The following XKR4 variants were observed in gnomAD, a reference collection of about 807,000 sequenced individuals.
XKR4 encodes XK-related protein 4.
A neutral mutation model predicts 53.9 loss-of-function variants in XKR4; 12 were observed. The ratio of observed to expected loss-of-function variants is 0.22; its 90% confidence interval spans 0.14 to 0.36. The LOEUF is 0.36. Among genes scored for constraint, XKR4 ranks in the 10% least tolerant of loss-of-function variants. The pLI is 1.00. For missense variants in XKR4, 799 were observed against 859.5 expected (o/e 0.93, Z 0.88); for synonymous variants, 354 against 362.4 (o/e 0.98, Z 0.26).
At chr8:55,479,954 C>A (rs1212020596) in intron 2 of XKR4, among the ~76,000 whole-genome samples, 1 of 152,162 alleles carries the variant, frequency 6.6e-6, no homozygotes, top group African/African-American at 2.4e-5. Context: ...GGATTCACTG[C>A]CGAATTTTAC....
chr8:55,228,842 TACACACAC>T (rs71256522), intron 1 of XKR4, among the ~76,000 whole-genome samples: 10 of 150,080 alleles, frequency 6.7e-5, no homozygotes, highest in Admixed American at 2.7e-4. Context: ...TGTGTGTATG[TACACACAC>T]ACACACACAC....
chr8:55,387,054 C>T (rs7350146), intron 2 of XKR4, among the ~76,000 whole-genome samples: 1 of 152,306 alleles, frequency 6.6e-6, no homozygotes, highest in Non-Finnish European at 1.5e-5. Context: ...GTCTCTTTCC[C>T]TGATCTCCCC....
chr8:55,180,121 T>G (rs16921330), intron 1 of XKR4, among the ~76,000 whole-genome samples: 14,515 of 152,222 alleles, frequency 0.095, 1,909 homozygotes, highest in African/African-American at 0.29. Flanking sequence ...TGGTTCAAAT[T>G]AACTAAATCA....
chr8:55,310,532 T>C (rs1234293149), intron 1 of XKR4, among the ~76,000 whole-genome samples: 2 of 152,230 alleles, frequency 1.3e-5, no homozygotes, highest in Non-Finnish European at 2.9e-5. Flanking sequence ...CAAATTATTC[T>C]TTTCAAAGTA....
chr8:55,328,969 A>G (rs1803337876), intron 1 of XKR4, among the ~76,000 whole-genome samples: 1 of 152,128 alleles, frequency 6.6e-6, no homozygotes, highest in East Asian at 1.9e-4. Context: ...ACTACCTCGC[A>G]GACACCCTGG....
At chr8:55,148,662 A>C (rs1336837237) in intron 1 of XKR4, among the ~76,000 whole-genome samples, 2 of 152,184 alleles carry the variant, frequency 1.3e-5, no homozygotes, top group South Asian at 2.1e-4. Context: ...TAATTACTTT[A>C]GGATTATAAT....
At chr8:55,244,104 G>C (rs1312807665) in intron 1 of XKR4, among the ~76,000 whole-genome samples, 1 of 152,156 alleles carries the variant, frequency 6.6e-6, no homozygotes, top group Admixed American at 6.5e-5. Context: ...AACATGTGCA[G>C]GTATGTTATA....
chr8:55,470,876 T>G (rs538728463), intron 2 of XKR4, among the ~76,000 whole-genome samples: 4 of 152,136 alleles, frequency 2.6e-5, no homozygotes, highest in Non-Finnish European at 5.9e-5. Flanking sequence ...TATTAAATAT[T>G]TCAGCCAAGA....
intron 1 of XKR4, among the ~76,000 whole-genome samples, chr8:55,323,752 T>G (rs372114775): frequency 7.9e-5 from 12 of 152,238 alleles, no homozygotes; most frequent in East Asian, 3.9e-4. Flanking sequence ...TTGTTCTATG[T>G]GTCCTTAATG....
intron 2 of XKR4, among the ~76,000 whole-genome samples, chr8:55,507,506 C>T (rs988961704): frequency 2.0e-5 from 3 of 152,154 alleles, no homozygotes; most frequent in Admixed American, 6.5e-5. Flanking sequence ...AACCCCTCCC[C>T]GCACCCTACA....
At chr8:55,271,026 C>T (rs1172916610) in intron 1 of XKR4, among the ~76,000 whole-genome samples, 1 of 152,146 alleles carries the variant, frequency 6.6e-6, no homozygotes, top group Admixed American at 6.5e-5. Context: ...TGCTTGTGCT[C>T]AAGAAGAACG....
intron 1 of XKR4, among the ~76,000 whole-genome samples, chr8:55,328,369 A>G (rs1230728072): frequency 6.6e-6 from 1 of 152,208 alleles, no homozygotes; most frequent in South Asian, 2.1e-4. Flanking sequence ...AAAACATAAC[A>G]TCAGTGTCCC....
chr8:55,478,676 A>G (rs1248847800), intron 2 of XKR4, among the ~76,000 whole-genome samples: 1 of 152,188 alleles, frequency 6.6e-6, no homozygotes, highest in African/African-American at 2.4e-5. Context: ...AGAGACACAC[A>G]TAGGCTCAAA....
rs533168299 is a variant in XKR4 at position 55,275,123 on chromosome 8, G to A, written c.807-82555G>A. Among the ~76,000 whole-genome samples the A allele has an allele frequency of 1.4e-4, 21 of 151,902 alleles. 2 individuals are homozygous for A. In the South Asian group the frequency reaches 3.5e-3, roughly 26 times the overall value. ...TACAAAATATTTAGAAAGTAGATAC[G>A]GTATTTTTGTTCTAAAGAAAATATT... On this transcript the variant is annotated intron_variant, in intron 1 of 2. Transcript: ENST00000327381.
At chr8:55,457,146 CT>C (rs1554527639) in intron 2 of XKR4, among the ~76,000 whole-genome samples, 106 of 137,210 alleles carry the variant, frequency 7.7e-4, no homozygotes, top group Admixed American at 2.3e-3. Context: ...TTTTCCTTTT[CT>C]TTTTTTTTTT....
At chr8:55,159,209 T>C (rs547569735) in intron 1 of XKR4, among the ~76,000 whole-genome samples, 1 of 152,286 alleles carries the variant, frequency 6.6e-6, no homozygotes, top group African/African-American at 2.4e-5. Context: ...ACCACCCTGG[T>C]TAGCTATATT....
intron 1 of XKR4, among the ~76,000 whole-genome samples, chr8:55,202,969 T>C (rs560976591): frequency 6.6e-6 from 1 of 152,306 alleles, no homozygotes; most frequent in South Asian, 2.1e-4. Flanking sequence ...TTGGTTACAC[T>C]TCACTGAACG....
chr8:55,415,478 C>T (rs998647161), intron 2 of XKR4, among the ~76,000 whole-genome samples: 3 of 152,182 alleles, frequency 2.0e-5, no homozygotes, highest in African/African-American at 4.8e-5. Flanking sequence ...TAGACCTCAC[C>T]TCACATTCAG....
At position 55,289,561 on chromosome 8, in the gene XKR4, G is replaced by A. The variant is rs1326408878; in HGVS notation, c.807-68117G>A. On this transcript the variant is annotated intron_variant, in intron 1 of 2. Transcript: ENST00000327381. ...AGAAAGAAGGAAGGAAGGAAGGAAG[G>A]AAGGAAGGAGAGAGAAAGGAAGAAA... 5.0e-4 allele frequency among the ~76,000 whole-genome samples: 55 copies of A among 109,416 alleles called. 1 individual carries two copies. The highest frequency in any genetic ancestry group is 1.5e-3 in the African/African-American group (44 of 30,174). The allele number at this position is 109,416 out of a possible 152,430, so 71.8% of individuals were successfully genotyped here.
Sources: gnomAD v4.1 joint callset for allele counts (sites outside exome capture counted in the v4.1 genomes callset) on GRCh38, gnomAD v4.1.1 for gene constraint, MANE v1.5 for transcripts, NCBI Gene and HGNC (gene_info 2026-07-23, HGNC 2026-07-21) for gene names.